RBPJ: variants seen among roughly 807,000 people sequenced by gnomAD.
RBPJ encodes recombination signal binding protein for immunoglobulin kappa J region, also known as recombining binding protein suppressor of hairless.
A neutral mutation model predicts 67.8 loss-of-function variants in RBPJ; 9 were observed. The observed-to-expected ratio is 0.13, with a 90% confidence interval of 0.08 to 0.23. The LOEUF is 0.23. Ranked by LOEUF, RBPJ falls within the 10% of genes least tolerant of loss-of-function variation. The pLI, the probability that RBPJ is intolerant of heterozygous loss-of-function variation, is 1.00. For missense variants in RBPJ, 305 were observed against 595.6 expected (o/e 0.51, Z 5.08); for synonymous variants, 198 against 203.3 (o/e 0.97, Z 0.22).
intron 1 of RBPJ, among the ~76,000 whole-genome samples, chr4:26,273,173 T>C (rs893080306): frequency 1.3e-5 from 2 of 152,218 alleles, no homozygotes; most frequent in Non-Finnish European, 2.9e-5. Context: ...TGCCTCAGCC[T>C]CTTTTTTAAG....
chr4:26,347,282 C>T (rs1009131659), intron 1 of RBPJ, among the ~76,000 whole-genome samples: 2 of 152,128 alleles, frequency 1.3e-5, no homozygotes, highest in South Asian at 4.1e-4. Context: ...TACTTGAAGA[C>T]TGGTAGATGC....
chr4:26,432,357 A>G lies in RBPJ; in HGVS notation c.*1350A>G, dbSNP rs2109849201. 6.6e-6 allele frequency: 1 copy of G among 152,364 alleles called. No homozygotes were observed. Among genetic ancestry groups the G allele is most frequent in the East Asian group, 1.9e-4 (1 of 5,184 alleles). The allele number at this position is 152,364 out of a possible 1,614,324, so 9.4% of individuals were successfully genotyped here. A position where few individuals can be genotyped will look rare whatever the true frequency, so the allele number is the denominator to read the frequency against. On this transcript the variant is annotated 3_prime_UTR_variant, in exon 11 of 11. Transcript: ENST00000355476. ...CAGTACTTTAGAAACAGATAGTTGT[A>G]AGATTATAAAATGCAAATGTAACTT...
chr4:26,270,405 G>GAAAGAAAGAA (rs1720859342), intron 1 of RBPJ, among the ~76,000 whole-genome samples: 1 of 58,842 alleles, frequency 1.7e-5, no homozygotes. Flanking sequence ...AAGAAAGAAA[G>GAAAGAAAGAA]AAAGAAAGAA....
At chr4:26,253,665 T>C (rs1415925800) in intron 1 of RBPJ, among the ~76,000 whole-genome samples, 2 of 146,654 alleles carry the variant, frequency 1.4e-5, no homozygotes, top group African/African-American at 2.7e-5. Flanking sequence ...TTGCTGATTT[T>C]CCTCCCCATA....
intron 7 of RBPJ, among the ~76,000 whole-genome samples, chr4:26,425,936 G>A (rs1214863004): frequency 6.6e-6 from 1 of 151,352 alleles, no homozygotes; most frequent in African/African-American, 2.4e-5. Context: ...TTCTAAGCCA[G>A]TGATTCATTT....
intron 1 of RBPJ, among the ~76,000 whole-genome samples, chr4:26,357,037 A>G (rs910018361): frequency 1.3e-5 from 2 of 152,222 alleles, no homozygotes; most frequent in Admixed American, 6.5e-5. Flanking sequence ...AATCTGGTGT[A>G]GAGTATGGGA....
At chr4:26,288,147 T>A (rs28488829) in intron 1 of RBPJ, among the ~76,000 whole-genome samples, 1 of 152,102 alleles carries the variant, frequency 6.6e-6, no homozygotes, top group East Asian at 1.9e-4. Context: ...ACAAATTACC[T>A]CCAAATTTAG....
At chr4:26,117,234 C>T in the RBPJ span, among the ~76,000 whole-genome samples, 1 of 152,184 alleles carries the variant, frequency 6.6e-6, no homozygotes, top group Non-Finnish European at 1.5e-5. Context: ...CATGCGGCTA[C>T]CCCCGCTCCC....
At chr4:26,146,313 A>G in the RBPJ span, among the ~76,000 whole-genome samples, 1 of 152,144 alleles carries the variant, frequency 6.6e-6, no homozygotes, top group Non-Finnish European at 1.5e-5. Flanking sequence ...CTTTTTAACA[A>G]ATGGTTCTGG....
At chr4:26,187,401 C>A (rs1054700918) in intron 1 of RBPJ, among the ~76,000 whole-genome samples, 6 of 151,922 alleles carry the variant, frequency 3.9e-5, no homozygotes, top group Non-Finnish European at 7.4e-5. Context: ...TACTCTGTAA[C>A]ATATATGTGA....
intron 1 of RBPJ, among the ~76,000 whole-genome samples, chr4:26,278,557 A>G (rs952392195): frequency 1.3e-5 from 2 of 152,240 alleles, no homozygotes; most frequent in South Asian, 4.1e-4. Flanking sequence ...CTGCATTGCT[A>G]TCGGTTTTCT....
At position 26,185,065 on chromosome 4, in the gene RBPJ, C is replaced by G. The variant is rs1267366471; in HGVS notation, c.-167+21451C>G. Among the ~76,000 whole-genome samples the G allele has an allele frequency of 2.6e-5, 4 of 151,750 alleles. No homozygotes were observed. In the East Asian group the frequency reaches 7.7e-4, roughly 29 times the overall value. ...GCTGAGGCAGGAGAATCACTTGACC[C>G]TGGAAGGCAGAGGTTAGAGTGAGCC... On this transcript the variant is annotated intron_variant, in intron 1 of 4. Coordinates refer to the RBPJ transcript ENST00000512351.
chr4:26,153,651 A>G, the RBPJ span, among the ~76,000 whole-genome samples: 10 of 152,154 alleles, frequency 6.6e-5, no homozygotes, highest in East Asian at 3.8e-4. Flanking sequence ...ATAAGCTGAC[A>G]TGATTTCTTG....
intron 1 of RBPJ, among the ~76,000 whole-genome samples, chr4:26,198,195 G>A (rs570718315): frequency 2.0e-5 from 3 of 152,128 alleles, no homozygotes; most frequent in Admixed American, 6.5e-5. Flanking sequence ...CGGAGGTTGC[G>A]GTGAGCTGAG....
chr4:26,362,823 TTTCCTTTATGATACA>T (rs746402756), intron 1 of RBPJ, among the ~76,000 whole-genome samples: 73 of 152,378 alleles, frequency 4.8e-4, no homozygotes, highest in Non-Finnish European at 3.7e-4. Context: ...GGATTTTCTT[TTTCCTTTATGATACA>T]TGGTTGTGGA....
At chr4:26,223,457 G>C (rs941513743) in intron 1 of RBPJ, among the ~76,000 whole-genome samples, 6 of 152,240 alleles carry the variant, frequency 3.9e-5, no homozygotes, top group Non-Finnish European at 7.3e-5. Context: ...CCTGAAGGAG[G>C]TTATGCCTGA....
At chr4:26,351,063 A>G (rs975517961) in intron 1 of RBPJ, among the ~76,000 whole-genome samples, 4 of 151,926 alleles carry the variant, frequency 2.6e-5, no homozygotes, top group Non-Finnish European at 5.9e-5. Context: ...ACTATATTAT[A>G]TACGTTATAT....
intron 1 of RBPJ, among the ~76,000 whole-genome samples, chr4:26,386,071 T>C (rs1730886019): frequency 6.6e-6 from 1 of 152,238 alleles, no homozygotes; most frequent in Admixed American, 6.5e-5. Context: ...GCTGTTTTAT[T>C]GGTAAGTCGT....
intron 2 of RBPJ, among the ~76,000 whole-genome samples, chr4:26,399,582 A>G (rs1218827070): frequency 7.9e-5 from 12 of 152,176 alleles, no homozygotes; most frequent in Admixed American, 7.9e-4. Context: ...CAGTCAAAAA[A>G]TTGACAGAGG....
Sources: allele counts gnomAD v4.1 joint callset (sites outside exome capture counted in the v4.1 genomes callset), GRCh38; gene constraint gnomAD v4.1.1; transcripts MANE v1.5; gene names NCBI Gene and HGNC (gene_info 2026-07-23, HGNC 2026-07-21).